Variants in SLC35F4 observed in about 807,000 individuals in gnomAD.
SLC35F4 encodes the protein chromosome 14 open reading frame 36.
A neutral mutation model predicts 44.2 loss-of-function variants in SLC35F4; 24 were observed. The observed-to-expected ratio is 0.54, with a 90% CI of 0.39 to 0.76. The LOEUF is 0.76. Among genes scored for constraint, SLC35F4 ranks in the 30% least tolerant of loss-of-function variants. SLC35F4 has a pLI of 0.00. For missense variants in SLC35F4, 562 were observed against 586.1 expected (o/e 0.96, Z 0.42); for synonymous variants, 238 against 223.6 (o/e 1.06, Z -0.57).
At chr14:57,884,833 T>C (rs1888614006) in intron 1 of SLC35F4, among the ~76,000 whole-genome samples, 1 of 152,118 alleles carries the variant, frequency 6.6e-6, no homozygotes, top group South Asian at 2.1e-4. Flanking sequence ...CCCAGTTTCA[T>C]GGAAATAATT....
chr14:57,781,542 A>T (rs1462073911), intron 1 of SLC35F4, among the ~76,000 whole-genome samples: 1 of 152,166 alleles, frequency 6.6e-6, no homozygotes, highest in African/African-American at 2.4e-5. Context: ...CTCATATTTG[A>T]CCCAGCAACT....
At chr14:57,579,258 G>A (rs948412836) in intron 4 of SLC35F4, among the ~76,000 whole-genome samples, 2 of 152,120 alleles carry the variant, frequency 1.3e-5, no homozygotes, top group African/African-American at 4.8e-5. Context: ...ATTAAGATGT[G>A]GACAGATCTT....
intron 1 of SLC35F4, among the ~76,000 whole-genome samples, chr14:57,705,958 A>C (rs1238205244): frequency 6.6e-6 from 1 of 152,152 alleles, no homozygotes; most frequent in East Asian, 1.9e-4. Flanking sequence ...GTACATGCCT[A>C]GTGCTCCACT....
intron 1 of SLC35F4, among the ~76,000 whole-genome samples, chr14:57,698,152 G>C (rs972877396): frequency 6.6e-6 from 1 of 152,174 alleles, no homozygotes; most frequent in Admixed American, 6.5e-5. Context: ...CTTAGATTAT[G>C]TAAGTATCTA....
At chr14:57,914,456 G>C (rs539664482) in intron 1 of SLC35F4, among the ~76,000 whole-genome samples, 8 of 152,208 alleles carry the variant, frequency 5.3e-5, no homozygotes, top group Non-Finnish European at 7.4e-5. Flanking sequence ...TCAGCTACTC[G>C]GGAGGCTGAG....
chr14:57,683,226 T>C (rs1377853042), intron 1 of SLC35F4, among the ~76,000 whole-genome samples: 1 of 152,234 alleles, frequency 6.6e-6, no homozygotes, highest in Non-Finnish European at 1.5e-5. Flanking sequence ...GAAAGGAATG[T>C]ACATCTTATA....
chr14:57,929,442 G>A (rs113641627), intron 1 of SLC35F4, among the ~76,000 whole-genome samples: 5 of 151,924 alleles, frequency 3.3e-5, no homozygotes, highest in South Asian at 2.1e-4. Context: ...ACCTTAGAGC[G>A]GGAGAGAACT....
At chr14:57,800,756 GA>G (rs1429350675) in intron 1 of SLC35F4, among the ~76,000 whole-genome samples, 1 of 151,050 alleles carries the variant, frequency 6.6e-6, no homozygotes, top group South Asian at 2.1e-4. Context: ...CCAAGTGGAG[GA>G]AAAAAAAACT....
At chr14:57,889,407 C>A (rs1353074614) in intron 1 of SLC35F4, among the ~76,000 whole-genome samples, 2 of 152,234 alleles carry the variant, frequency 1.3e-5, no homozygotes, top group Non-Finnish European at 2.9e-5. Context: ...AGCCATGTGA[C>A]CCAGCCGAAC....
At chr14:57,681,279 C>T (rs887830239) in intron 1 of SLC35F4, among the ~76,000 whole-genome samples, 4 of 151,770 alleles carry the variant, frequency 2.6e-5, no homozygotes, top group Non-Finnish European at 2.9e-5. Flanking sequence ...GGAAAGGATT[C>T]CCTATTTAAT....
At chr14:57,908,543 T>C (rs1301051440) in intron 1 of SLC35F4, among the ~76,000 whole-genome samples, 2 of 152,194 alleles carry the variant, frequency 1.3e-5, no homozygotes, top group African/African-American at 4.8e-5. Flanking sequence ...ATCAATAATG[T>C]TGAGCTTTTT....
At chr14:57,904,086 TA>T (rs1889064060) in intron 1 of SLC35F4, among the ~76,000 whole-genome samples, 1 of 152,222 alleles carries the variant, frequency 6.6e-6, no homozygotes, top group Admixed American at 6.5e-5. Context: ...TATAAATATT[TA>T]GTAGTTTAAT....
At chr14:57,684,349 G>GT (rs1463613720) in intron 1 of SLC35F4, among the ~76,000 whole-genome samples, 2 of 152,106 alleles carry the variant, frequency 1.3e-5, no homozygotes, top group East Asian at 3.9e-4. Flanking sequence ...ACCGGGGACT[G>GT]TTTTTTCCAA....
chr14:57,656,376 TACACACACACACACAC>T (rs3054456), intron 1 of SLC35F4, among the ~76,000 whole-genome samples: 1 of 74,024 alleles, frequency 1.4e-5, no homozygotes, highest in African/African-American at 8.7e-5. Flanking sequence ...TATATATATA[TACACACACACACACAC>T]ACACACACAC....
chr14:57,882,947 C>A (rs982958205), intron 1 of SLC35F4, among the ~76,000 whole-genome samples: 6 of 151,126 alleles, frequency 4.0e-5, no homozygotes, highest in African/African-American at 1.5e-4. Context: ...AAAGCAGGAG[C>A]TTGTACAATT....
At chr14:57,772,094 T>G (rs983149877) in intron 1 of SLC35F4, among the ~76,000 whole-genome samples, 1 of 152,174 alleles carries the variant, frequency 6.6e-6, no homozygotes, top group African/African-American at 2.4e-5. Flanking sequence ...TGAAGCAACA[T>G]CAAAAAAATG....
At chr14:57,589,672 C>T (rs774144068) in intron 2 of SLC35F4, among the ~76,000 whole-genome samples, 159 bp from the exon 3 acceptor site, 8 of 152,354 alleles carry the variant, frequency 5.3e-5, no homozygotes, top group Non-Finnish European at 1.0e-4. Context: ...CTGATAACTT[C>T]GGCTCACTTT....
At chr14:57,652,877 G>A (rs1205004095) in intron 1 of SLC35F4, among the ~76,000 whole-genome samples, 4 of 152,214 alleles carry the variant, frequency 2.6e-5, no homozygotes, top group Admixed American at 2.6e-4. Flanking sequence ...TTGAACCAAA[G>A]CTGATGGTTC....
chr14:57,918,968 T>C (rs1367653456), intron 1 of SLC35F4, among the ~76,000 whole-genome samples: 1 of 152,198 alleles, frequency 6.6e-6, no homozygotes. Context: ...TGTGCATTTG[T>C]TGCCAGGAGG....
Sources: gnomAD v4.1 joint callset for allele counts (sites outside exome capture counted in the v4.1 genomes callset) on GRCh38, gnomAD v4.1.1 for gene constraint, MANE v1.5 for transcripts, NCBI Gene and HGNC (gene_info 2026-07-23, HGNC 2026-07-21) for gene names.